Variants in PITPNM2 observed in about 807,000 individuals in gnomAD.
The protein encoded by PITPNM2 is membrane-associated phosphatidylinositol transfer protein 2.
In PITPNM2, 35 loss-of-function variants were observed where a neutral mutation model predicts 132.2. The observed-to-expected ratio is 0.26, with a 90% CI of 0.20 to 0.35. The LOEUF is 0.35. Ranked by LOEUF, PITPNM2 falls within the 10% of genes least tolerant of loss-of-function variation. The pLI is 1.00. For synonymous variants in PITPNM2, 738 were observed against 799.2 expected, an observed-to-expected ratio of 0.92 and a Z score of 1.29; for missense variants, 1,332 against 1,912.0, an observed-to-expected ratio of 0.70 and a Z score of 5.66.
chr12:123,033,843 A>G (rs527869208), intron 3 of PITPNM2, among the ~76,000 whole-genome samples: 2 of 152,210 alleles, frequency 1.3e-5, no homozygotes, highest in South Asian at 4.1e-4. Context: ...CTTAGAAGAT[A>G]AGGAAGGGTG....
chr12:123,112,941 C>T (rs2042869671), intron 1 of PITPNM2, among the ~76,000 whole-genome samples: 1 of 152,164 alleles, frequency 6.6e-6, no homozygotes, highest in Admixed American at 6.5e-5. Flanking sequence ...GTCAGAATTG[C>T]TTTCCTAAAA....
intron 3 of PITPNM2, 56 bp downstream of exon 3, chr12:123,034,457 T>C: frequency 6.6e-7 from 1 of 1,520,698 alleles, no homozygotes; most frequent in Non-Finnish European, 9.1e-7. Context: ...ATGTGGTGTC[T>C]GTGCGCTGGC....
intron 2 of PITPNM2, among the ~76,000 whole-genome samples, chr12:123,039,181 C>T (rs1416260430): frequency 6.6e-6 from 1 of 152,134 alleles, no homozygotes; most frequent in African/African-American, 2.4e-5. Flanking sequence ...ATGGCTTGAG[C>T]ACAGGAGGTC....
intron 3 of PITPNM2, among the ~76,000 whole-genome samples, chr12:123,015,402 T>C (rs1397296788): frequency 6.6e-6 from 1 of 152,190 alleles, no homozygotes; most frequent in Non-Finnish European, 1.5e-5. Flanking sequence ...CATATATCTA[T>C]GATCAATTAA....
intron 3 of PITPNM2, among the ~76,000 whole-genome samples, chr12:123,019,824 G>A (rs1456820369): frequency 6.6e-5 from 10 of 152,352 alleles, no homozygotes; most frequent in Non-Finnish European, 1.0e-4. Flanking sequence ...CAACTATCAT[G>A]TGATTAGAAG....
In PITPNM2 at chr12:123,058,011, G is replaced by A. The variant is rs1228199562; in HGVS notation, c.-95-23326C>T. On this transcript the variant is annotated intron_variant, in intron 2 of 25. Coordinates refer to ENST00000320201, the MANE Select transcript of PITPNM2 (RefSeq NM_020845.3). This position sits in a 1 kb window ranked among gnomAD's most constrained non-coding sequence, Gnocchi z 4.0. Reference sequence around the variant, plus strand: ...GGGACCCCTCCTGTACACCTGACAGGTGCTACCTCCTCTCTGGGCCACTAG... The same window carrying A: ...GGGACCCCTCCTGTACACCTGACAGATGCTACCTCCTCTCTGGGCCACTAG... 6.6e-6 allele frequency among the ~76,000 whole-genome samples: 1 copy of A among 152,172 alleles called. No individual in the cohort carries two copies. Among genetic ancestry groups the A allele is most frequent in the Non-Finnish European group, 1.5e-5 (1 of 68,026 alleles).
At chr12:123,068,361 T>C (rs1273488364) in intron 2 of PITPNM2, among the ~76,000 whole-genome samples, 1 of 151,950 alleles carries the variant, frequency 6.6e-6, no homozygotes, top group Non-Finnish European at 1.5e-5. Flanking sequence ...GGCAGGAGAA[T>C]GGCGTGAACC....
Position 123,004,304 on chromosome 12 carries a change from A to G in PITPNM2, c.1048+90T>C. ...TAGAATAGTAACAGGCAACACCCGC[A>G]TCAGTCCACACCCACACCCTAAGCC... On this transcript the variant is annotated intron_variant, in intron 8 of 25. Transcript: ENST00000320201. This position sits in a 1 kb window ranked among gnomAD's most constrained non-coding sequence, Gnocchi z 4.9. 8.3e-7 allele frequency: 1 copy of G among 1,209,832 alleles called. No homozygotes were observed. Among genetic ancestry groups the G allele is most frequent in the Non-Finnish European group, 1.2e-6 (1 of 826,086 alleles). 74.9% of individuals were successfully genotyped at this position (1,209,832 alleles called of 1,614,324 possible).
Position 123,013,803 on chromosome 12 carries a change from CACATGG to C in PITPNM2, c.293+19_293+24del. Reference sequence around the variant, plus strand: ...CCAGATGGCATGTGGAGGTGGGAGGCACATGGAGGCCAAAGCAGGCGCACCTGGTTC... The same window carrying C: ...CCAGATGGCATGTGGAGGTGGGAGGCAGGCCAAAGCAGGCGCACCTGGTTC... On this transcript the variant is annotated intron_variant, in intron 4 of 25. Coordinates refer to ENST00000320201, the MANE Select transcript of PITPNM2 (RefSeq NM_020845.3). The C allele has an allele frequency of 6.2e-7, 1 of 1,608,362 alleles. No individual in the cohort carries two copies. The highest frequency in any genetic ancestry group is 8.5e-7 in the Non-Finnish European group (1 of 1,176,258).
rs186671216 is a variant in PITPNM2, at chr12:123,117,031, G to C, written c.-199-6543C>G. Among the ~76,000 whole-genome samples, 1 of 152,228 alleles carries C rather than the reference G, an allele frequency of 6.6e-6. No individual in the cohort carries two copies. Among genetic ancestry groups the C allele is most frequent in the African/African-American group, 2.4e-5 (1 of 41,466 alleles). On this transcript the variant is annotated intron_variant, in intron 1 of 25. Coordinates refer to ENST00000320201, the MANE Select transcript of PITPNM2 (RefSeq NM_020845.3). This position sits in a 1 kb window ranked among gnomAD's most constrained non-coding sequence, Gnocchi z 4.7. Reference sequence around the variant, plus strand: ...GCATTTTGCATCACTATGTTTGGACGTACTCTGTTAAGCAGCAATAGGTAA... The same window carrying C: ...GCATTTTGCATCACTATGTTTGGACCTACTCTGTTAAGCAGCAATAGGTAA...
At chr12:123,105,816 G>A (rs890376239) in intron 2 of PITPNM2, among the ~76,000 whole-genome samples, 3 of 152,066 alleles carry the variant, frequency 2.0e-5, no homozygotes, top group Admixed American at 6.5e-5. Context: ...AGGCAGAAAC[G>A]AGAGGAAGAA....
intron 8 of PITPNM2, 36 bp from the exon 9 acceptor site, chr12:123,001,194 G>A: frequency 6.4e-7 from 1 of 1,554,184 alleles, no homozygotes; most frequent in East Asian, 2.2e-5. Flanking sequence ...GTGGGACTGG[G>A]AACGCTGGGG....
intron 2 of PITPNM2, among the ~76,000 whole-genome samples, chr12:123,057,010 G>A (rs2041052001): frequency 6.6e-6 from 1 of 152,220 alleles, no homozygotes; most frequent in Non-Finnish European, 1.5e-5. Flanking sequence ...AAATGTGAAA[G>A]AGAAAAGCGC....
At position 122,988,879 on chromosome 12, in the gene PITPNM2, G is replaced by A. The variant is rs765073784; in HGVS notation, c.2732-7C>T. On this transcript the variant is annotated splice_polypyrimidine_tract_variant and splice_region_variant and intron_variant, in intron 18 of 25. Coordinates refer to ENST00000320201, the MANE Select transcript of PITPNM2 (RefSeq NM_020845.3). ...CCCCACCACTTTGCAGCGACTGCCAGGAGGGGCCGTGACTGGGCTGGGGCT... is the reference window on the plus strand; with the variant it reads ...CCCCACCACTTTGCAGCGACTGCCAAGAGGGGCCGTGACTGGGCTGGGGCT... The A allele has an allele frequency of 5.1e-6, 8 of 1,555,290 alleles. No individual in the cohort carries two copies. The Admixed American group carries it at 5.8e-5, about 11-fold the overall frequency.
At position 123,136,173 on chromosome 12, in the gene PITPNM2, T is replaced by C. The variant is rs1423179395; in HGVS notation, c.-200+14580A>G. Among the ~76,000 whole-genome samples, 8 of 151,622 alleles carry C rather than the reference T, an allele frequency of 5.3e-5. No individual in the cohort carries two copies. In the East Asian group the frequency reaches 1.6e-3, roughly 29 times the overall value. On this transcript the variant is annotated intron_variant, in intron 1 of 25. Transcript: ENST00000320201. ...AAAAATTAGCCAGGTGTGGTGGCAG[T>C]TACCTGTAGTCCCAGCTACTTGGGA...
intron 3 of PITPNM2, among the ~76,000 whole-genome samples, chr12:123,019,558 C>A (rs1303014870): frequency 6.6e-6 from 1 of 152,232 alleles, no homozygotes; most frequent in Non-Finnish European, 1.5e-5. Context: ...TCTTGCCAGG[C>A]AGCAGGGTCT....
intron 2 of PITPNM2, among the ~76,000 whole-genome samples, chr12:123,102,740 T>C (rs145559802): frequency 6.6e-6 from 1 of 152,288 alleles, no homozygotes; most frequent in East Asian, 1.9e-4. Context: ...ATACCAGCTT[T>C]CTTCACAGAG....
At chr12:123,037,871 A>G (rs116154234) in intron 2 of PITPNM2, among the ~76,000 whole-genome samples, 302 of 152,370 alleles carry the variant, frequency 2.0e-3, no homozygotes, top group African/African-American at 7.1e-3. Flanking sequence ...CTGTGAGCAC[A>G]TGTCTGGAAC....
chr12:123,090,319 G>A (rs1174703906), intron 2 of PITPNM2: 4 of 152,216 alleles, frequency 2.6e-5, no homozygotes, highest in Non-Finnish European at 4.4e-5. Flanking sequence ...ACAAGATGGT[G>A]GCTGGTTTCC....
Sources: gnomAD v4.1 joint callset for allele counts (sites outside exome capture counted in the v4.1 genomes callset) on GRCh38, gnomAD v4.1.1 for gene constraint, Gnocchi (gnomAD v3.1) non-coding constraint, MANE v1.5 for transcripts, NCBI Gene and HGNC (gene_info 2026-07-23, HGNC 2026-07-21) for gene names.